The following PHACTR1 variants were observed in gnomAD, a reference collection of about 807,000 sequenced individuals.
PHACTR1 encodes the protein RPEL repeat containing 1.
A neutral mutation model predicts 69.2 loss-of-function variants in PHACTR1; 16 were observed. The observed-to-expected ratio is 0.23, with a 90% confidence interval of 0.16 to 0.35. The LOEUF (loss-of-function observed/expected upper bound fraction) is 0.35, where lower values mean the gene tolerates loss of function less well. Ranked by LOEUF, PHACTR1 falls within the 10% of genes least tolerant of loss-of-function variation. The probability of loss-of-function intolerance (pLI) is 1.00; values close to 1 mark genes in which losing one functional copy is unlikely to be tolerated. For missense variants in PHACTR1, 510 were observed against 734.7 expected (o/e 0.69, Z 3.54); for synonymous variants, 312 against 284.5 (o/e 1.10, Z -0.97).
intron 4 of PHACTR1, among the ~76,000 whole-genome samples, chr6:12,949,342 A>C (rs552878363): frequency 6.6e-6 from 1 of 152,258 alleles, no homozygotes; most frequent in South Asian, 2.1e-4. Context: ...AGAAATTTTC[A>C]CCACAGTGGA....
chr6:13,099,567 C>G (rs1331309254), intron 5 of PHACTR1, among the ~76,000 whole-genome samples: 1 of 152,210 alleles, frequency 6.6e-6, no homozygotes, highest in Non-Finnish European at 1.5e-5. Context: ...AAATCACTCC[C>G]AGTGGAGATA....
chr6:12,940,094 C>G lies in PHACTR1; in HGVS notation c.251-113271C>G, dbSNP rs532459376. ...CTGCTGTTAGTTTAAGATATAATTA[C>G]CCAAACTTTAAAAATAAAACCTGAA... On this transcript the variant is annotated intron_variant, in intron 4 of 14. Coordinates refer to ENST00000332995, the MANE Select transcript of PHACTR1 (RefSeq NM_030948.6). Among the ~76,000 whole-genome samples the G allele has an allele frequency of 1.2e-4, 19 of 152,220 alleles. No homozygotes were observed. The East Asian group carries it at 3.7e-3, about 29-fold the overall frequency.
At chr6:13,221,470 G>C (rs1200532430) in intron 8 of PHACTR1, among the ~76,000 whole-genome samples, 1 of 152,122 alleles carries the variant, frequency 6.6e-6, no homozygotes, top group African/African-American at 2.4e-5. Flanking sequence ...ATTAAAGTTT[G>C]CAACCATTGG....
At chr6:12,872,417 A>C (rs547122942) in intron 4 of PHACTR1, among the ~76,000 whole-genome samples, 1 of 152,156 alleles carries the variant, frequency 6.6e-6, no homozygotes, top group Non-Finnish European at 1.5e-5. Flanking sequence ...TAAAAAACTT[A>C]AGAAAGGGAT....
At chr6:12,827,272 G>A (rs1030696125) in intron 4 of PHACTR1, among the ~76,000 whole-genome samples, 1 of 152,176 alleles carries the variant, frequency 6.6e-6, no homozygotes. Flanking sequence ...TGTATTTAAT[G>A]TAGGGCAAGT....
At position 12,726,736 on chromosome 6, in the gene PHACTR1, T is replaced by TG. The variant is rs529572371; in HGVS notation, c.103+7893dup. Among the ~76,000 whole-genome samples, 24 of 152,330 alleles carry TG rather than the reference T, an allele frequency of 1.6e-4. 1 individual carries two copies. The South Asian group carries it at 5.0e-3, about 32-fold the overall frequency. ...CAGGTCTGATTTGCTTCAGAAGGAC[T>TG]GGGGCAGGAACAGTGCTTGCAAGTC... is the stretch of plus-strand genomic sequence containing the variant. On this transcript the variant is annotated intron_variant, in intron 3 of 14. Coordinates refer to ENST00000332995, the MANE Select transcript of PHACTR1 (RefSeq NM_030948.6).
At chr6:12,997,621 C>G (rs1017790042) in intron 4 of PHACTR1, among the ~76,000 whole-genome samples, 1 of 151,896 alleles carries the variant, frequency 6.6e-6, no homozygotes, top group African/African-American at 2.4e-5. Context: ...TTTTTTGTGG[C>G]GAGAATATTC....
intron 4 of PHACTR1, among the ~76,000 whole-genome samples, chr6:12,959,380 T>C (rs936895209): frequency 6.6e-6 from 1 of 152,084 alleles, no homozygotes; most frequent in Non-Finnish European, 1.5e-5. Flanking sequence ...TAGTCTTTTC[T>C]CTACTGTGGC....
At chr6:13,185,742 A>G (rs1191942681) in intron 7 of PHACTR1, among the ~76,000 whole-genome samples, 1 of 152,204 alleles carries the variant, frequency 6.6e-6, no homozygotes, top group Non-Finnish European at 1.5e-5. Context: ...AACTTTGATA[A>G]TAGTTTCACC....
At chr6:13,235,361 A>G (rs1312522870) in intron 10 of PHACTR1, among the ~76,000 whole-genome samples, 2 of 152,206 alleles carry the variant, frequency 1.3e-5, no homozygotes, top group Non-Finnish European at 2.9e-5. Context: ...CCACCAGAGT[A>G]ATGTTCCCTC....
rs369569581 is a variant in PHACTR1 at position 13,254,153 on chromosome 6, G to A, written c.1392-18707G>A. ...TGAGGTGGGAGAATTACTTGAACCCGGGAGGCGGAGGTTGCAGTGAGCTAA... is the reference window on the plus strand; with the variant it reads ...TGAGGTGGGAGAATTACTTGAACCCAGGAGGCGGAGGTTGCAGTGAGCTAA... On this transcript the variant is annotated intron_variant, in intron 10 of 14. Coordinates refer to ENST00000332995, the MANE Select transcript of PHACTR1 (RefSeq NM_030948.6). Among the ~76,000 whole-genome samples, 118 of 152,254 alleles carry A rather than the reference G, an allele frequency of 7.8e-4. 2 individuals carry two copies. In the South Asian group the frequency reaches 0.02, roughly 25 times the overall value.
chr6:12,984,582 C>T (rs957434684), intron 4 of PHACTR1, among the ~76,000 whole-genome samples: 1 of 152,166 alleles, frequency 6.6e-6, no homozygotes. Context: ...TAAGTTATCC[C>T]CTCTGGTGTT....
intron 3 of PHACTR1, 91 bp from the exon 4 acceptor site, chr6:12,749,553 C>G (rs1417830203): frequency 5.0e-6 from 2 of 400,104 alleles, no homozygotes; most frequent in African/African-American, 5.1e-5. Context: ...CTCCCCCTTC[C>G]CCTCCCCCTC....
intron 4 of PHACTR1, among the ~76,000 whole-genome samples, chr6:12,906,459 A>G (rs1785745125): frequency 6.6e-6 from 1 of 152,214 alleles, no homozygotes; most frequent in African/African-American, 2.4e-5. Flanking sequence ...TCCTTCTCTC[A>G]GATCATCTGT....
At chr6:12,795,153 A>G (rs1161714850) in intron 4 of PHACTR1, among the ~76,000 whole-genome samples, 1 of 152,192 alleles carries the variant, frequency 6.6e-6, no homozygotes, top group African/African-American at 2.4e-5. Context: ...CATGGACCAC[A>G]CACTTAGAGT....
intron 4 of PHACTR1, among the ~76,000 whole-genome samples, chr6:12,804,803 T>TA (rs1323937039): frequency 6.6e-6 from 1 of 152,138 alleles, no homozygotes; most frequent in Admixed American, 6.5e-5. Flanking sequence ...TGTTTCAAAA[T>TA]AAAAAATATT....
chr6:12,975,537 T>C (rs1794769092), intron 4 of PHACTR1, among the ~76,000 whole-genome samples: 1 of 152,212 alleles, frequency 6.6e-6, no homozygotes, highest in African/African-American at 2.4e-5. Context: ...TTGCTTGGTA[T>C]AGAAGATTCA....
intron 5 of PHACTR1, among the ~76,000 whole-genome samples, chr6:13,064,953 G>T (rs550913671): frequency 1.3e-5 from 2 of 152,152 alleles, no homozygotes; most frequent in South Asian, 4.2e-4. Flanking sequence ...CCGGGACTTG[G>T]TGACCATTGT....
intron 5 of PHACTR1, among the ~76,000 whole-genome samples, chr6:13,116,998 C>T (rs539939442): frequency 7.9e-5 from 12 of 152,202 alleles, no homozygotes; most frequent in Non-Finnish European, 1.5e-4. Flanking sequence ...TGCTCAATTG[C>T]ATCTTGGTTT....
Sources: gnomAD v4.1 joint callset for allele counts (sites outside exome capture counted in the v4.1 genomes callset) on GRCh38, gnomAD v4.1.1 for gene constraint, MANE v1.5 for transcripts, NCBI Gene and HGNC (gene_info 2026-07-23, HGNC 2026-07-21) for gene names.